The following CYB5B variants were observed in gnomAD, a reference collection of about 807,000 sequenced individuals.
CYB5B encodes cytochrome b5 type B (outer mitochondrial membrane).
A neutral mutation model predicts 21.3 loss-of-function variants in CYB5B; 14 were observed. The observed-to-expected ratio is 0.66, with a 90% CI of 0.43 to 1.03. CYB5B has a LOEUF of 1.03. Among genes scored for constraint, CYB5B ranks in the 50% least tolerant of loss-of-function variants. CYB5B has a pLI of 0.00. For missense variants in CYB5B, 166 were observed against 185.1 expected, an observed-to-expected ratio of 0.90 and a Z score of 0.60; for synonymous variants, 69 against 68.4, an observed-to-expected ratio of 1.01 and a Z score of -0.04.
In CYB5B at chr16:69,462,606, C is replaced by G; in HGVS notation, c.*86C>G. Reference sequence around the variant, plus strand: ...GGGGGCTGCAGAAGTGCCCTCTCCTCGAATCCTGCCAGTTGCATTCTTCCC... The same window carrying G: ...GGGGGCTGCAGAAGTGCCCTCTCCTGGAATCCTGCCAGTTGCATTCTTCCC... On this transcript the variant is annotated 3_prime_UTR_variant, in exon 5 of 5. Coordinates refer to ENST00000307892, the MANE Select transcript of CYB5B (RefSeq NM_030579.3). The G allele has an allele frequency of 9.2e-7, 1 of 1,081,510 alleles. No homozygotes were observed. Among genetic ancestry groups the G allele is most frequent in the South Asian group, 1.3e-5 (1 of 78,536 alleles). The allele number at this position is 1,081,510 out of a possible 1,614,324, so 67.0% of individuals were successfully genotyped here. A position where few individuals can be genotyped will look rare whatever the true frequency, so the allele number is the denominator to read the frequency against.
chr16:69,429,800 G>A (rs1210927144), intron 1 of CYB5B, among the ~76,000 whole-genome samples: 1 of 152,002 alleles, frequency 6.6e-6, no homozygotes, highest in African/African-American at 2.4e-5. Flanking sequence ...GATGAGAGAG[G>A]GAAGATTTAC....
At position 69,459,116 on chromosome 16, in the gene CYB5B, C is replaced by T; in HGVS notation, c.357C>T (p.Cys119=). The change falls in exon 4 of 5, where the codon TGC becomes TGT. Residue 119 remains cysteine, a synonymous_variant. Transcript: ENST00000307892. ...AGGACCCTTCAAAAAATGATACATG[C>T]AAAAGGTTAGTATCTCCTTAACAGC... is the stretch of plus-strand genomic sequence containing the variant. ...GSKDPSKNDT[C]KSCWAYWILP... 6.2e-7 allele frequency: 1 copy of T among 1,601,342 alleles called. No homozygotes were observed. Among genetic ancestry groups the T allele is most frequent in the Non-Finnish European group, 8.5e-7 (1 of 1,175,918 alleles).
rs1334290120 is a variant in CYB5B at position 69,463,422 on chromosome 16, A to AACAC, written c.*902_*903insACAC. The AACAC allele has an allele frequency of 6.6e-6, 1 of 152,120 alleles. No individual in the cohort carries two copies. Among genetic ancestry groups the AACAC allele is most frequent in the Non-Finnish European group, 1.5e-5 (1 of 68,024 alleles). The allele number at this position is 152,120 out of a possible 1,614,324, so 9.4% of individuals were successfully genotyped here. Reference sequence around the variant, plus strand: ...TAGAAAACTGGTGTTTTCTAAAGAAACAGGATAGGAGTTTAGAGAAGGCAC... The same window carrying AACAC: ...TAGAAAACTGGTGTTTTCTAAAGAAAACACCAGGATAGGAGTTTAGAGAAGGCAC... On this transcript the variant is annotated 3_prime_UTR_variant, in exon 5 of 5. Coordinates refer to ENST00000307892, the MANE Select transcript of CYB5B (RefSeq NM_030579.3).
In CYB5B at chr16:69,457,203, A is replaced by G. The variant is rs188358154; in HGVS notation, c.334-1890A>G. Reference sequence around the variant, plus strand: ...GCTGTCTTTGTTCTCTTTCTTCTTCAGTTGCTTATTACCTTTTTCTAAGGC... The same window carrying G: ...GCTGTCTTTGTTCTCTTTCTTCTTCGGTTGCTTATTACCTTTTTCTAAGGC... On this transcript the variant is annotated intron_variant, in intron 3 of 4. Coordinates refer to ENST00000307892, the MANE Select transcript of CYB5B (RefSeq NM_030579.3). 1.2e-4 allele frequency among the ~76,000 whole-genome samples: 18 copies of G among 152,230 alleles called. No individual in the cohort carries two copies. The East Asian group carries it at 3.5e-3, about 29-fold the overall frequency.
intron 4 of CYB5B, among the ~76,000 whole-genome samples, chr16:69,462,147 G>A (rs1337797914): frequency 1.3e-5 from 2 of 152,114 alleles, no homozygotes; most frequent in Non-Finnish European, 2.9e-5. Flanking sequence ...CCCTAACTCA[G>A]AAATAACCAC....
At position 69,464,022 on chromosome 16, in the gene CYB5B, A is replaced by G. The variant is rs1291606078; in HGVS notation, c.*1502A>G. The G allele has an allele frequency of 6.6e-6, 1 of 152,140 alleles. No homozygotes were observed. Among genetic ancestry groups the G allele is most frequent in the African/African-American group, 2.4e-5 (1 of 41,420 alleles). 9.4% of individuals were successfully genotyped at this position (152,140 alleles called of 1,614,324 possible). On this transcript the variant is annotated 3_prime_UTR_variant, in exon 5 of 5. Coordinates refer to ENST00000307892, the MANE Select transcript of CYB5B (RefSeq NM_030579.3). ...TAGTCTGCTTCTGAGCCATTGTCAT[A>G]TCCAGCAGGGAGCAGCTTGGTTCAA...
chr16:69,440,063 C>G (rs929658989), intron 1 of CYB5B, among the ~76,000 whole-genome samples: 3 of 151,624 alleles, frequency 2.0e-5, no homozygotes, highest in Admixed American at 6.6e-5. Flanking sequence ...TAATATAGAT[C>G]GGGGTCTTGC....
chr16:69,462,451 A>C lies in CYB5B; in HGVS notation c.384A>C (p.Leu128Phe). The C allele has an allele frequency of 1.2e-6, 2 of 1,614,062 alleles. No homozygotes were observed. The highest frequency in any genetic ancestry group is 1.7e-6 in the Non-Finnish European group (2 of 1,179,940). The part of the protein sequence containing the change: ...TCKSCWAYWI[L>F]PIIGAVLLGF... The stretch of plus-strand genomic sequence containing the variant: ...CTAGTTGCTGGGCATATTGGATTTT[A>C]CCCATCATAGGCGCTGTTCTCTTAG... Residue 128 changes from leucine (L) to phenylalanine (F), a missense_variant, in exon 5 of 5, where the codon TTA (leucine) becomes TTC (phenylalanine). By Grantham distance (22) the Leu-to-Phe change is conservative. Coordinates refer to ENST00000307892, the MANE Select transcript of CYB5B (RefSeq NM_030579.3).
chr16:69,442,700 T>C (rs566773721), intron 1 of CYB5B, among the ~76,000 whole-genome samples: 2 of 152,180 alleles, frequency 1.3e-5, no homozygotes. Flanking sequence ...AAAATTTTTT[T>C]TGTGGAGAAC....
chr16:69,456,032 T>C (rs1002999342), intron 3 of CYB5B, among the ~76,000 whole-genome samples: 1 of 152,326 alleles, frequency 6.6e-6, no homozygotes, highest in Middle Eastern at 3.4e-3. Flanking sequence ...CTTGAAGATA[T>C]TAGATATAAT....
At chr16:69,428,595 G>T (rs2014672671) in intron 1 of CYB5B, among the ~76,000 whole-genome samples, 1 of 152,124 alleles carries the variant, frequency 6.6e-6, no homozygotes, top group Non-Finnish European at 1.5e-5. Flanking sequence ...GTTGGAGGTT[G>T]CAGCGATCCA....
intron 4 of CYB5B, among the ~76,000 whole-genome samples, chr16:69,460,022 G>T (rs746999152): frequency 6.6e-6 from 1 of 152,048 alleles, no homozygotes; most frequent in African/African-American, 2.4e-5. Context: ...AGGCTGAGGC[G>T]GGTGGATCAT....
chr16:69,456,905 G>A (rs775859373), intron 3 of CYB5B, among the ~76,000 whole-genome samples: 8 of 152,168 alleles, frequency 5.3e-5, no homozygotes, highest in Non-Finnish European at 1.2e-4. Context: ...TAAGAGCTGT[G>A]CCTTCAACAT....
At chr16:69,427,646 A>G (rs1325192533) in intron 1 of CYB5B, among the ~76,000 whole-genome samples, 3 of 152,032 alleles carry the variant, frequency 2.0e-5, no homozygotes, top group African/African-American at 4.8e-5. Flanking sequence ...CCTCCCGAAT[A>G]GCTGGGAAAA....
Position 69,463,975 on chromosome 16 carries a change from C to T in CYB5B, c.*1455C>T, listed in dbSNP as rs2015061627. 1 of 152,184 alleles carries T rather than the reference C, an allele frequency of 6.6e-6. No individual in the cohort carries two copies. Among genetic ancestry groups the T allele is most frequent in the East Asian group, 1.9e-4 (1 of 5,200 alleles). 9.4% of individuals were successfully genotyped at this position (152,184 alleles called of 1,614,324 possible). ...TCTGCCAGCAACTGTGGTGATTTTT[C>T]TCCCTGTCCTTTGAGAATTGCTAGT... On this transcript the variant is annotated 3_prime_UTR_variant, in exon 5 of 5. Coordinates refer to ENST00000307892, the MANE Select transcript of CYB5B (RefSeq NM_030579.3).
rs1298108828 is a variant in CYB5B at position 69,463,935 on chromosome 16, G to A, written c.*1415G>A. 3 of 152,154 alleles carry A rather than the reference G, an allele frequency of 2.0e-5. No individual in the cohort carries two copies. The highest frequency in any genetic ancestry group is 4.4e-5 in the Non-Finnish European group (3 of 68,048). The allele number at this position is 152,154 out of a possible 1,614,324, so 9.4% of individuals were successfully genotyped here. A position where few individuals can be genotyped will look rare whatever the true frequency, so the allele number is the denominator to read the frequency against. ...ATGGAAGCACTTGAGGAAATAAATA[G>A]TACACTGGCTGTTTTCTGCCAGCAA... On this transcript the variant is annotated 3_prime_UTR_variant, in exon 5 of 5. Coordinates refer to ENST00000307892, the MANE Select transcript of CYB5B (RefSeq NM_030579.3).
intron 3 of CYB5B, among the ~76,000 whole-genome samples, chr16:69,453,988 A>G (rs1444559915): frequency 6.6e-6 from 1 of 152,224 alleles, no homozygotes; most frequent in African/African-American, 2.4e-5. Flanking sequence ...CTCAAGGACT[A>G]ATGTCTTCTA....
chr16:69,457,171 G>A (rs772062376), intron 3 of CYB5B, among the ~76,000 whole-genome samples: 1 of 152,078 alleles, frequency 6.6e-6, no homozygotes, highest in African/African-American at 2.4e-5. Context: ...AGCATAGTAC[G>A]GTTTTGGCTG....
chr16:69,448,102 C>G lies in CYB5B; in HGVS notation c.304-13C>G, dbSNP rs369398339. On this transcript the variant is annotated splice_polypyrimidine_tract_variant and intron_variant, in intron 2 of 4. Transcript: ENST00000307892. ...ATGTCTTAAAATATTATTTGTTTTC[C>G]TTTTTTTGACAGAGTGACCTTAAAC... is the stretch of plus-strand genomic sequence containing the variant. 1 of 1,608,298 alleles carries G rather than the reference C, an allele frequency of 6.2e-7. No individual in the cohort carries two copies. The highest frequency in any genetic ancestry group is 8.5e-7 in the Non-Finnish European group (1 of 1,178,594).
Sources: gnomAD v4.1 joint callset for allele counts (sites outside exome capture counted in the v4.1 genomes callset) on GRCh38, gnomAD v4.1.1 for gene constraint, MANE v1.5 for transcripts, NCBI Gene and HGNC (gene_info 2026-07-23, HGNC 2026-07-21) for gene names.